Variants in LARGE1 observed in about 807,000 individuals in gnomAD.
The protein encoded by LARGE1 is LARGE xylosyl- and glucuronyltransferase 1, also known as xylosyl- and glucuronyltransferase LARGE1.
LARGE1 carries 43 observed loss-of-function variants against 87.6 expected under a neutral mutation model. The observed-to-expected ratio is 0.49, with a 90% CI of 0.38 to 0.63. The LOEUF (loss-of-function observed/expected upper bound fraction) is 0.63, where lower values mean the gene tolerates loss of function less well. LARGE1 is among the 30% of genes least tolerant of loss of function. The probability of loss-of-function intolerance (pLI) is 0.00; values close to 1 mark genes in which losing one functional copy is unlikely to be tolerated. For missense variants in LARGE1, 802 were observed against 1,000.2 expected (o/e 0.80, Z 2.67); for synonymous variants, 434 against 394.6 (o/e 1.10, Z -1.18).
chr22:33,245,642 C>T (rs1206770944), intron 11 of LARGE1, among the ~76,000 whole-genome samples: 2 of 152,220 alleles, frequency 1.3e-5, no homozygotes, highest in African/African-American at 4.8e-5. Context: ...GGCATGGTGG[C>T]CCATGCCTGT....
chr22:33,912,916 C>T (rs985032470), intron 1 of LARGE1, among the ~76,000 whole-genome samples: 2 of 151,986 alleles, frequency 1.3e-5, no homozygotes, highest in South Asian at 2.1e-4. Context: ...CTGTAACCTC[C>T]GTCTCTGGAG....
intron 1 of LARGE1, among the ~76,000 whole-genome samples, chr22:33,802,216 C>T (rs1209907356): frequency 6.6e-6 from 1 of 152,190 alleles, no homozygotes; most frequent in Non-Finnish European, 1.5e-5. Context: ...TAATTTGCCT[C>T]CCCCAACTCA....
the LARGE1 span, among the ~76,000 whole-genome samples, chr22:33,124,985 G>A: frequency 2.0e-5 from 3 of 152,148 alleles, no homozygotes; most frequent in South Asian, 2.1e-4. Flanking sequence ...GGTGGTTTGC[G>A]GTCATATTTA....
chr22:33,309,912 CACATGTAACAAGAA>C (rs1202378503), intron 11 of LARGE1, among the ~76,000 whole-genome samples: 1 of 152,166 alleles, frequency 6.6e-6, no homozygotes, highest in African/African-American at 2.4e-5. Flanking sequence ...GACACTGTTC[CACATGTAACAAGAA>C]GTCATCTGAG....
chr22:33,333,694 G>A (rs1938041065), intron 10 of LARGE1, among the ~76,000 whole-genome samples: 1 of 152,162 alleles, frequency 6.6e-6, no homozygotes, highest in African/African-American at 2.4e-5. Flanking sequence ...CCTATGTTAG[G>A]ACGGAGAACC....
intron 1 of LARGE1, among the ~76,000 whole-genome samples, chr22:33,768,436 TCACACACA>T (rs71969164): frequency 9.5e-5 from 14 of 147,464 alleles, no homozygotes; most frequent in East Asian, 4.0e-4. Context: ...ACGCGCGCGC[TCACACACA>T]CACACACACA....
intron 12 of LARGE1, among the ~76,000 whole-genome samples, chr22:33,294,706 T>G (rs943297851): frequency 6.6e-6 from 1 of 152,206 alleles, no homozygotes; most frequent in African/African-American, 2.4e-5. Context: ...TGCCTGTGCA[T>G]GTACCTCTCA....
At chr22:33,287,776 A>T (rs1931816026) in intron 12 of LARGE1, among the ~76,000 whole-genome samples, 1 of 152,164 alleles carries the variant, frequency 6.6e-6, no homozygotes, top group Non-Finnish European at 1.5e-5. Flanking sequence ...CAGCCAGGAG[A>T]CTTCAGTTCT....
Position 33,480,549 on chromosome 22 carries a change from T to G in LARGE1, c.788-48284A>C, listed in dbSNP as rs118082553. On this transcript the variant is annotated intron_variant, in intron 6 of 14. Transcript: ENST00000397394. The stretch of plus-strand genomic sequence containing the variant: ...CAGTAGAGGAGAACCAGGCCCTGCT[T>G]TAAGTAATGTATATATTCTCCAAGG... Among the ~76,000 whole-genome samples the G allele has an allele frequency of 3.1e-3, 474 of 152,290 alleles. 3 individuals carry two copies. Among genetic ancestry groups the G allele is most frequent in the South Asian group, 0.021 (99 of 4,828 alleles).
At chr22:33,804,427 T>C (rs1320685836) in intron 1 of LARGE1, among the ~76,000 whole-genome samples, 1 of 152,206 alleles carries the variant, frequency 6.6e-6, no homozygotes, top group African/African-American at 2.4e-5. Flanking sequence ...ATTCATTCCA[T>C]GAACATGTAT....
chr22:33,846,676 A>T (rs1263395985), intron 1 of LARGE1, among the ~76,000 whole-genome samples: 1 of 152,216 alleles, frequency 6.6e-6, no homozygotes, highest in Admixed American at 6.5e-5. Flanking sequence ...GAAAGAGAAT[A>T]CATGCCTGGG....
At chr22:33,598,190 A>T (rs1297645455) in intron 5 of LARGE1, among the ~76,000 whole-genome samples, 1 of 152,216 alleles carries the variant, frequency 6.6e-6, no homozygotes, top group Non-Finnish European at 1.5e-5. Flanking sequence ...TACTGGAGTC[A>T]GACAGTTCTG....
At chr22:33,235,885 G>A (rs936201439) in intron 11 of LARGE1, among the ~76,000 whole-genome samples, 1 of 152,130 alleles carries the variant, frequency 6.6e-6, no homozygotes, top group African/African-American at 2.4e-5. Context: ...TTGGGATATG[G>A]CTTTATTTTA....
intron 2 of LARGE1, among the ~76,000 whole-genome samples, chr22:33,740,731 T>C (rs2083849897): frequency 6.6e-6 from 1 of 152,156 alleles, no homozygotes; most frequent in Non-Finnish European, 1.5e-5. Context: ...ACCAAACCAC[T>C]ATGGAGACCT....
chr22:33,445,134 C>T (rs956943798), intron 6 of LARGE1, among the ~76,000 whole-genome samples: 15 of 152,124 alleles, frequency 9.9e-5, no homozygotes, highest in Admixed American at 1.3e-4. Flanking sequence ...CCCGCCACCT[C>T]CTCTTCTTAC....
chr22:33,878,846 T>C (rs1229416048), intron 1 of LARGE1, among the ~76,000 whole-genome samples: 1 of 152,198 alleles, frequency 6.6e-6, no homozygotes, highest in African/African-American at 2.4e-5. Context: ...AAGTGTTTGA[T>C]AGCTTAAGAT....
intron 12 of LARGE1, among the ~76,000 whole-genome samples, chr22:33,295,750 A>G (rs1170343133): frequency 6.6e-6 from 1 of 152,156 alleles, no homozygotes; most frequent in Non-Finnish European, 1.5e-5. Context: ...AGGACTTGCA[A>G]ATGAGGGAGA....
chr22:33,666,152 C>T (rs1569355183), intron 2 of LARGE1, among the ~76,000 whole-genome samples: 1 of 152,160 alleles, frequency 6.6e-6, no homozygotes, highest in Non-Finnish European at 1.5e-5. Context: ...CTTGTTTCAA[C>T]AAGATTCAGG....
intron 1 of LARGE1, among the ~76,000 whole-genome samples, chr22:33,838,441 C>G (rs2063172664): frequency 6.6e-6 from 1 of 152,100 alleles, no homozygotes; most frequent in African/African-American, 2.4e-5. Flanking sequence ...GAGTTTGAGA[C>G]CAGCCTGAGC....
Sources: allele counts gnomAD v4.1 joint callset (sites outside exome capture counted in the v4.1 genomes callset), GRCh38; gene constraint gnomAD v4.1.1; transcripts MANE v1.5; gene names NCBI Gene and HGNC (gene_info 2026-07-23, HGNC 2026-07-21).